The following UGT1A6 variants were observed in gnomAD, a reference collection of about 807,000 sequenced individuals.
UGT1A6 encodes UDP glucuronosyltransferase family 1 member A6, also known as UDP-glucuronosyltransferase 1A6.
A neutral mutation model predicts 44.4 loss-of-function variants in UGT1A6; 32 were observed. That is an observed-to-expected ratio of 0.72 (90% CI 0.54 to 0.97). The LOEUF is 0.97. Ranked by LOEUF, UGT1A6 falls within the 50% of genes least tolerant of loss-of-function variation. UGT1A6 has a pLI of 0.00. For synonymous variants in UGT1A6, 238 were observed against 248.5 expected, an observed-to-expected ratio of 0.96 and a Z score of 0.40; for missense variants, 685 against 661.9, an observed-to-expected ratio of 1.03 and a Z score of -0.38.
intron 1 of UGT1A6, chr2:233,729,814 C>A (rs776482922): frequency 5.0e-6 from 8 of 1,613,896 alleles, no homozygotes; most frequent in Non-Finnish European, 6.8e-6. Flanking sequence ...TTTTTCTGCT[C>A]CTTATGCAAG....
At chr2:233,716,173 C>T (rs1298365895) in intron 1 of UGT1A6, among the ~76,000 whole-genome samples, 1 of 152,174 alleles carries the variant, frequency 6.6e-6, no homozygotes. Context: ...AGTGCAGCAT[C>T]TTCAAGTCTC....
intron 1 of UGT1A6, among the ~76,000 whole-genome samples, chr2:233,766,079 G>A (rs1159217409): frequency 1.3e-5 from 2 of 152,140 alleles, no homozygotes; most frequent in East Asian, 1.9e-4. Flanking sequence ...CTACCTTGTC[G>A]CAAGGACAGA....
At chr2:233,697,097 T>C (rs1160600500) in intron 1 of UGT1A6, among the ~76,000 whole-genome samples, 1 of 152,158 alleles carries the variant, frequency 6.6e-6, no homozygotes, top group Non-Finnish European at 1.5e-5. Flanking sequence ...TCTCACAGGA[T>C]GAGTTTGGAA....
Position 233,712,920 on chromosome 2 carries a change from T to C in UGT1A6, c.861+19055T>C. ...GCTAGGTGTCTCAGTGACAAGGTAA[T>C]TAAGACGAAGGAAACAATTCTAGGA... On this transcript the variant is annotated intron_variant, in intron 1 of 4. Transcript: ENST00000305139. 3 of 1,611,826 alleles carry C rather than the reference T, an allele frequency of 1.9e-6. No individual in the cohort carries two copies. The South Asian group carries it at 3.3e-5, about 18-fold the overall frequency.
chr2:233,747,991 A>G (rs532442400), intron 1 of UGT1A6: 1 of 1,612,870 alleles, frequency 6.2e-7, no homozygotes, highest in Non-Finnish European at 8.5e-7. Context: ...TTCCGAGGGG[A>G]CTTTGTGATG....
chr2:233,692,974 T>C lies in UGT1A6; in HGVS notation c.-31T>C. 1 of 1,612,390 alleles carries C rather than the reference T, an allele frequency of 6.2e-7. No individual in the cohort carries two copies. The highest frequency in any genetic ancestry group is 1.1e-5 in the South Asian group (1 of 90,476). ...TGTGATTTGGAGAGTGAAAACTCTT[T>C]ATTACCGTTGTTACTTTAACTCTTT... On this transcript the variant is annotated 5_prime_UTR_variant, in exon 1 of 5. Coordinates refer to ENST00000305139, the MANE Select transcript of UGT1A6 (RefSeq NM_001072.4).
chr2:233,692,909 GA>G lies in UGT1A6; in HGVS notation c.-92del. ...CAAGGGAGAGGTAGACAGGACCTGT[GA>G]AAAGCAGTGGTTAGTTTAGGGAAAA... is the stretch of plus-strand genomic sequence containing the variant. On this transcript the variant is annotated 5_prime_UTR_variant, in exon 1 of 5. Coordinates refer to ENST00000305139, the MANE Select transcript of UGT1A6 (RefSeq NM_001072.4). 6.4e-7 allele frequency: 1 copy of G among 1,555,664 alleles called. No individual in the cohort carries two copies. The highest frequency in any genetic ancestry group is 8.6e-7 in the Non-Finnish European group (1 of 1,157,092).
intron 1 of UGT1A6, among the ~76,000 whole-genome samples, chr2:233,715,081 T>C (rs2076431286): frequency 1.3e-5 from 2 of 152,268 alleles, no homozygotes; most frequent in South Asian, 4.1e-4. Flanking sequence ...AGATGGAGTT[T>C]CATCATATTG....
intron 1 of UGT1A6, among the ~76,000 whole-genome samples, chr2:233,757,565 T>C (rs1696654647): frequency 7.0e-6 from 1 of 141,992 alleles, no homozygotes; most frequent in African/African-American, 2.7e-5. Flanking sequence ...TATATATGTA[T>C]ATATGATATA....
At chr2:233,724,269 C>T (rs1414363673) in intron 1 of UGT1A6, among the ~76,000 whole-genome samples, 11 of 124,848 alleles carry the variant, frequency 8.8e-5, no homozygotes, top group South Asian at 3.1e-4. Context: ...CCGGACGGGG[C>T]GGCTGGCCGG....
intron 1 of UGT1A6, chr2:233,754,823 A>T (rs1695601999): frequency 7.5e-7 from 1 of 1,338,226 alleles, no homozygotes; most frequent in South Asian, 1.2e-5. Flanking sequence ...CACCCTCAAA[A>T]GCTGGAAATT....
chr2:233,741,876 G>A (rs1319262823), intron 1 of UGT1A6: 1 of 151,830 alleles, frequency 6.6e-6, no homozygotes, highest in African/African-American at 2.4e-5. Context: ...TTCCTCAGAG[G>A]TGACCCTAGA....
At chr2:233,762,729 T>G (rs1012866470) in intron 1 of UGT1A6, among the ~76,000 whole-genome samples, 22 of 152,030 alleles carry the variant, frequency 1.4e-4, no homozygotes, top group Non-Finnish European at 3.2e-4. Context: ...TTTTTTTTTT[T>G]GGTCACTACT....
At chr2:233,713,923 C>T in intron 1 of UGT1A6, 4 of 1,612,024 alleles carry the variant, frequency 2.5e-6, no homozygotes, top group Non-Finnish European at 3.4e-6. Context: ...AATGTATTTA[C>T]TTACAAGTGC....
chr2:233,735,337 CT>C (rs939538517), intron 1 of UGT1A6, among the ~76,000 whole-genome samples: 5 of 150,880 alleles, frequency 3.3e-5, no homozygotes, highest in East Asian at 3.9e-4. Flanking sequence ...GCAACCCCTG[CT>C]TTTTTTTTGC....
At chr2:233,726,820 G>A (rs956550712) in intron 1 of UGT1A6, among the ~76,000 whole-genome samples, 1 of 151,954 alleles carries the variant, frequency 6.6e-6, no homozygotes, top group African/African-American at 2.4e-5. Flanking sequence ...TCCTCTATTC[G>A]ACCATTTAAA....
At chr2:233,719,447 A>G (rs2076767544) in intron 1 of UGT1A6, 2 of 1,613,934 alleles carry the variant, frequency 1.2e-6, no homozygotes, top group South Asian at 1.1e-5. Context: ...CATTCCTGCA[A>G]AGGGTCAAGA....
At chr2:233,729,492 G>A (rs2077867797) in intron 1 of UGT1A6, 26 of 1,614,172 alleles carry the variant, frequency 1.6e-5, no homozygotes, top group Non-Finnish European at 2.0e-5. Context: ...ATATGTCTTT[G>A]GTCTATCATA....
Position 233,769,688 on chromosome 2 carries a change from C to A in UGT1A6, c.1301+1249C>A, listed in dbSNP as rs1385163206. 2.6e-6 allele frequency: 4 copies of A among 1,552,874 alleles called. No homozygotes were observed. The African/African-American group carries it at 5.4e-5, about 21-fold the overall frequency. Reference sequence around the variant, plus strand: ...AGGTGCTAATGTGTGTGTGGTGGCACTGGATAAAAGATCAATGTTGGCTAG... The same window carrying A: ...AGGTGCTAATGTGTGTGTGGTGGCAATGGATAAAAGATCAATGTTGGCTAG... On this transcript the variant is annotated intron_variant, in intron 4 of 4. Coordinates refer to ENST00000305139, the MANE Select transcript of UGT1A6 (RefSeq NM_001072.4). This position sits in a 1 kb window ranked among gnomAD's most constrained non-coding sequence, Gnocchi z 4.4.
Sources: allele counts gnomAD v4.1 joint callset (sites outside exome capture counted in the v4.1 genomes callset), GRCh38; gene constraint gnomAD v4.1.1; non-coding constraint Gnocchi (gnomAD v3.1); transcripts MANE v1.5; gene names NCBI Gene and HGNC (gene_info 2026-07-23, HGNC 2026-07-21).